DMD: variants seen among roughly 807,000 people sequenced by gnomAD.
The protein encoded by DMD is mutant dystrophin.
Under a neutral mutation model 330.1 loss-of-function variants are expected in DMD, and 63 were observed. The ratio of observed to expected loss-of-function variants is 0.19; its 90% confidence interval spans 0.16 to 0.24. DMD has a LOEUF of 0.24. Among genes scored for constraint, DMD ranks in the 10% least tolerant of loss-of-function variants. The pLI is 1.00. For synonymous variants in DMD, 1,223 were observed against 959.8 expected, an observed-to-expected ratio of 1.27 and a Z score of -5.07; for missense variants, 3,344 against 2,684.1, an observed-to-expected ratio of 1.25 and a Z score of -5.43.
chrX:33,218,389 G>A (rs1310234088), intron 1 of DMD, among the ~76,000 whole-genome samples: 1 of 111,335 alleles, frequency 9.0e-6, no homozygotes, highest in Non-Finnish European at 1.9e-5. Context: ...TTTTCTGGAA[G>A]TTGACAGTTC....
At chrX:31,922,495 GGTGTGTGTGT>G (rs765621749) in intron 47 of DMD, among the ~76,000 whole-genome samples, 4 of 97,506 alleles carry the variant, frequency 4.1e-5, no homozygotes, top group East Asian at 3.1e-4. Context: ...ACTTGAGACT[GGTGTGTGTGT>G]GTGTGTGTGT....
chrX:31,134,591 T>C (rs1358626718), intron 76 of DMD, among the ~76,000 whole-genome samples: 4 of 110,689 alleles, frequency 3.6e-5, no homozygotes, highest in African/African-American at 1.3e-4. Flanking sequence ...TCCAGCTAAT[T>C]TTTGTATTTT....
intron 52 of DMD, among the ~76,000 whole-genome samples, chrX:31,687,624 T>A (rs1019039079): frequency 1.8e-5 from 2 of 111,706 alleles, no homozygotes; most frequent in Admixed American, 9.4e-5. Context: ...GTGGTGTGAG[T>A]GCTAGCTTAG....
At chrX:33,266,540 A>C (rs1380733315) in intron 1 of DMD, among the ~76,000 whole-genome samples, 3 of 110,105 alleles carry the variant, frequency 2.7e-5, no homozygotes, top group Non-Finnish European at 5.7e-5. Flanking sequence ...AGTTGGAGGC[A>C]ATACAAATAT....
At chrX:31,588,262 A>G (rs5927776) in intron 55 of DMD, among the ~76,000 whole-genome samples, 40,363 of 110,765 alleles carry the variant, frequency 0.36, 5,808 homozygotes, top group African/African-American at 0.52. Flanking sequence ...GATAGCAAAT[A>G]ACTTGTAAAC....
chrX:33,200,835 T>G (rs943775899), intron 1 of DMD, among the ~76,000 whole-genome samples: 6 of 110,265 alleles, frequency 5.4e-5, no homozygotes, highest in African/African-American at 9.9e-5. Flanking sequence ...ATGTTAAAAT[T>G]TATATTATCC....
intron 61 of DMD, among the ~76,000 whole-genome samples, chrX:31,335,537 G>C (rs927937395): frequency 2.7e-5 from 3 of 111,960 alleles, no homozygotes; most frequent in Non-Finnish European, 5.6e-5. Flanking sequence ...CCTGTCATGG[G>C]CATGTATGCT....
chrX:32,374,166 G>A (rs907128477), intron 34 of DMD, among the ~76,000 whole-genome samples: 2 of 110,357 alleles, frequency 1.8e-5, no homozygotes, highest in Non-Finnish European at 3.8e-5. Flanking sequence ...TTAATTTCTT[G>A]TTGACAAGTT....
chrX:32,234,271 C>T (rs1181352449), intron 43 of DMD, among the ~76,000 whole-genome samples: 1 of 112,071 alleles, frequency 8.9e-6, no homozygotes, highest in East Asian at 2.8e-4. Context: ...CAGTTTTAAC[C>T]ACGTGCAAAT....
intron 2 of DMD, among the ~76,000 whole-genome samples, chrX:32,976,959 A>C (rs980074121): frequency 6.3e-5 from 7 of 111,413 alleles, no homozygotes; most frequent in African/African-American, 2.3e-4. Flanking sequence ...TTACAGGGTT[A>C]AAACCTATAC....
chrX:32,989,686 T>C (rs970433078), intron 2 of DMD, among the ~76,000 whole-genome samples: 1 of 111,928 alleles, frequency 8.9e-6, no homozygotes, highest in African/African-American at 3.2e-5. Context: ...ATACGTTCAT[T>C]TTCTTACCAT....
At chrX:31,994,340 A>G (rs981552677) in intron 44 of DMD, among the ~76,000 whole-genome samples, 7 of 112,102 alleles carry the variant, frequency 6.2e-5, no homozygotes, top group Admixed American at 5.7e-4. Context: ...TTGACAAAAC[A>G]CAAAGTACAA....
intron 61 of DMD, among the ~76,000 whole-genome samples, chrX:31,327,820 C>T (rs2056874902): frequency 8.9e-6 from 1 of 112,493 alleles, no homozygotes; most frequent in Middle Eastern, 4.6e-3. Flanking sequence ...TTTCACTCAG[C>T]ATAATGCATA....
chrX:31,892,754 AAAAAGGTATGGT>A (rs1399880959), intron 47 of DMD, among the ~76,000 whole-genome samples: 2 of 111,922 alleles, frequency 1.8e-5, no homozygotes, highest in Non-Finnish European at 3.8e-5. Flanking sequence ...CTAAACATAG[AAAAAGGTATGGT>A]AAACCTACTG....
chrX:31,791,830 T>C (rs1354782359), intron 50 of DMD, among the ~76,000 whole-genome samples: 1 of 112,008 alleles, frequency 8.9e-6, no homozygotes, highest in African/African-American at 3.2e-5. Context: ...TATGTTGATT[T>C]CAGTCTTACA....
chrX:33,023,642 C>T (rs924523859), intron 1 of DMD, among the ~76,000 whole-genome samples: 9 of 111,771 alleles, frequency 8.1e-5, no homozygotes, highest in African/African-American at 2.9e-4. Context: ...TGTCAAAATA[C>T]TTGTTTACAT....
intron 55 of DMD, among the ~76,000 whole-genome samples, chrX:31,580,814 T>G (rs763444973): frequency 8.9e-6 from 1 of 111,789 alleles, no homozygotes; most frequent in Non-Finnish European, 1.9e-5. Context: ...TCTTTCTCTC[T>G]CTCTCTCTTT....
At chrX:33,322,578 T>C (rs1325267227) in intron 1 of DMD, among the ~76,000 whole-genome samples, 1 of 111,661 alleles carries the variant, frequency 9.0e-6, no homozygotes, top group Non-Finnish European at 1.9e-5. Context: ...AGTGTCAGCT[T>C]GTTGAGGGCA....
At chrX:31,622,875 T>TACACAC (rs1400797606) in intron 55 of DMD, among the ~76,000 whole-genome samples, 24 of 80,528 alleles carry the variant, frequency 3.0e-4, no homozygotes, top group Non-Finnish European at 5.1e-4. Flanking sequence ...TATATATATA[T>TACACAC]ATACACACAC....
Sources: gnomAD v4.1 joint callset for allele counts (sites outside exome capture counted in the v4.1 genomes callset) on GRCh38, gnomAD v4.1.1 for gene constraint, MANE v1.5 for transcripts, NCBI Gene and HGNC (gene_info 2026-07-23, HGNC 2026-07-21) for gene names.